The following ZDHHC21 variants were observed in gnomAD, a reference collection of about 807,000 sequenced individuals.
ZDHHC21 encodes the protein zDHHC palmitoyltransferase 21.
In ZDHHC21, 15 loss-of-function variants were observed where a neutral mutation model predicts 34.6. The ratio of observed to expected loss-of-function variants is 0.43; its 90% confidence interval spans 0.29 to 0.67. The LOEUF is 0.67. Among genes scored for constraint, ZDHHC21 ranks in the 30% least tolerant of loss-of-function variants. The probability of loss-of-function intolerance (pLI) is 0.14; values close to 1 mark genes in which losing one functional copy is unlikely to be tolerated. For missense variants in ZDHHC21, 344 were observed against 327.7 expected (o/e 1.05, Z -0.38); for synonymous variants, 142 against 101.8 (o/e 1.40, Z -2.38).
intron 2 of ZDHHC21, among the ~76,000 whole-genome samples, chr9:14,685,677 C>A (rs1838193206): frequency 6.6e-6 from 1 of 152,090 alleles, no homozygotes; most frequent in Admixed American, 6.5e-5. Context: ...CTAGAAATAC[C>A]ATTTGACCCA....
intron 5 of ZDHHC21, among the ~76,000 whole-genome samples, chr9:14,664,227 C>T (rs1373641935): frequency 6.6e-6 from 1 of 152,110 alleles, no homozygotes; most frequent in African/African-American, 2.4e-5. Flanking sequence ...GTTCCCTTTC[C>T]GAGTCAAAGA....
At chr9:14,688,098 A>G (rs1046038926) in intron 2 of ZDHHC21, among the ~76,000 whole-genome samples, 3 of 142,556 alleles carry the variant, frequency 2.1e-5, no homozygotes, top group Non-Finnish European at 4.6e-5. Context: ...ATAGATATTC[A>G]GTTGATTATC....
chr9:14,651,950 C>T (rs1019900422), intron 7 of ZDHHC21, among the ~76,000 whole-genome samples: 4 of 151,848 alleles, frequency 2.6e-5, no homozygotes, highest in African/African-American at 9.7e-5. Context: ...CAATGATTTT[C>T]ATGCCAATAA....
At chr9:14,659,378 T>A (rs1486995814) in intron 6 of ZDHHC21, among the ~76,000 whole-genome samples, 1 of 152,182 alleles carries the variant, frequency 6.6e-6, no homozygotes, top group African/African-American at 2.4e-5. Flanking sequence ...CACTTTTCAT[T>A]TTAAAAATCT....
chr9:14,599,384 G>A, the ZDHHC21 span, among the ~76,000 whole-genome samples: 9 of 152,266 alleles, frequency 5.9e-5, 1 homozygote, highest in African/African-American at 2.2e-4. Context: ...AGCTGTGAGG[G>A]ACTGTGCCAT....
chr9:14,606,961 T>C (rs1160514464), downstream of ZDHHC21, among the ~76,000 whole-genome samples: 2 of 151,380 alleles, frequency 1.3e-5, no homozygotes, highest in African/African-American at 4.9e-5. Flanking sequence ...CTATCAAAAT[T>C]AAAAATAAGT....
At chr9:14,688,188 GTTTCT>G (rs1564411887) in intron 2 of ZDHHC21, among the ~76,000 whole-genome samples, 1 of 150,828 alleles carries the variant, frequency 6.6e-6, no homozygotes, top group East Asian at 1.9e-4. Context: ...CCAAGCTTTA[GTTTCT>G]TTTCAAGCTT....
At chr9:14,641,483 C>T (rs1297487559) in intron 7 of ZDHHC21, among the ~76,000 whole-genome samples, 3 of 152,122 alleles carry the variant, frequency 2.0e-5, no homozygotes, top group African/African-American at 7.2e-5. Context: ...TTGACCATGG[C>T]AATCATTCTT....
intron 3 of ZDHHC21, among the ~76,000 whole-genome samples, chr9:14,678,881 T>C (rs1390020705): frequency 6.6e-6 from 1 of 152,074 alleles, no homozygotes; most frequent in East Asian, 1.9e-4. Context: ...TAGATCTGCA[T>C]ATAACTACCC....
At chr9:14,594,780 A>T in the ZDHHC21 span, among the ~76,000 whole-genome samples, 1 of 152,212 alleles carries the variant, frequency 6.6e-6, no homozygotes, top group African/African-American at 2.4e-5. Context: ...AATATTTGCA[A>T]ATCATATATC....
Position 14,654,393 on chromosome 9 carries a change from C to T in ZDHHC21, c.504+4356G>A, listed in dbSNP as rs1831808748. Among the ~76,000 whole-genome samples, 5 of 35,706 alleles carry T rather than the reference C, an allele frequency of 1.4e-4. No homozygotes were observed. The South Asian group carries it at 7.0e-3, about 50-fold the overall frequency. The allele number at this position is 35,706 out of a possible 152,430, so 23.4% of individuals were successfully genotyped here. A position where few individuals can be genotyped will look rare whatever the true frequency, so the allele number is the denominator to read the frequency against. On this transcript the variant is annotated intron_variant, in intron 7 of 9. Transcript: ENST00000380916. Reference sequence around the variant, plus strand: ...ATAAAAATGAGGCTTCTCTTATATCCTATCAAAAAAAAAGAGTAAATCAAA... The same window carrying T: ...ATAAAAATGAGGCTTCTCTTATATCTTATCAAAAAAAAAGAGTAAATCAAA...
At chr9:14,685,385 T>C (rs1838145587) in intron 2 of ZDHHC21, among the ~76,000 whole-genome samples, 3 of 150,896 alleles carry the variant, frequency 2.0e-5, no homozygotes, top group African/African-American at 4.9e-5. Context: ...CATCAAAAAG[T>C]GGGCAAAGGA....
chr9:14,650,017 A>C (rs1384767768), intron 7 of ZDHHC21, among the ~76,000 whole-genome samples: 1 of 152,004 alleles, frequency 6.6e-6, no homozygotes, highest in Non-Finnish European at 1.5e-5. Context: ...AAACTGCTAA[A>C]TTTTCTATGT....
chr9:14,693,334 G>C lies in ZDHHC21; in HGVS notation c.-330C>G. Reference sequence around the variant, plus strand: ...CCGCCTCCTCCGGCGCCGCCGCCCAGGCCGGGCCGCTCTCCCCTTCCGCTT... The same window carrying C: ...CCGCCTCCTCCGGCGCCGCCGCCCACGCCGGGCCGCTCTCCCCTTCCGCTT... On this transcript the variant is annotated 5_prime_UTR_variant, in exon 1 of 10. Coordinates refer to ENST00000380916, the MANE Select transcript of ZDHHC21 (RefSeq NM_178566.6). 2.4e-6 allele frequency: 1 copy of C among 412,718 alleles called. No homozygotes were observed. Among genetic ancestry groups the C allele is most frequent in the African/African-American group, 2.2e-5 (1 of 45,722 alleles). 25.6% of individuals were successfully genotyped at this position (412,718 alleles called of 1,614,324 possible). A position where few individuals can be genotyped will look rare whatever the true frequency, so the allele number is the denominator to read the frequency against.
intron 2 of ZDHHC21, 98 bp downstream of exon 2, chr9:14,690,239 T>TG (rs895553124): frequency 9.1e-5 from 37 of 405,590 alleles, no homozygotes; most frequent in Non-Finnish European, 1.7e-4. Context: ...GGTGGGGGGT[T>TG]GGGGGTAGAA....
chr9:14,589,747 C>T, the ZDHHC21 span: 1 of 152,190 alleles, frequency 6.6e-6, no homozygotes, highest in East Asian at 1.9e-4. Context: ...TTTTATTATA[C>T]TTGAAGTAGC....
intron 7 of ZDHHC21, among the ~76,000 whole-genome samples, chr9:14,642,684 T>A (rs1428088810): frequency 6.6e-6 from 1 of 152,110 alleles, no homozygotes; most frequent in Non-Finnish European, 1.5e-5. Flanking sequence ...GAGAAGGTGG[T>A]TATCTGCAAG....
At chr9:14,652,132 G>C (rs1319158304) in intron 7 of ZDHHC21, among the ~76,000 whole-genome samples, 1 of 151,836 alleles carries the variant, frequency 6.6e-6, no homozygotes, top group African/African-American at 2.4e-5. Flanking sequence ...AACAAAAAAT[G>C]TTTAATTTAT....
intron 8 of ZDHHC21, among the ~76,000 whole-genome samples, chr9:14,638,938 G>T (rs1400970684): frequency 6.6e-6 from 1 of 151,828 alleles, no homozygotes; most frequent in Non-Finnish European, 1.5e-5. Flanking sequence ...CTAAGGAAAA[G>T]AATACTGAGA....
Sources: allele counts gnomAD v4.1 joint callset (sites outside exome capture counted in the v4.1 genomes callset), GRCh38; gene constraint gnomAD v4.1.1; transcripts MANE v1.5; gene names NCBI Gene and HGNC (gene_info 2026-07-23, HGNC 2026-07-21).